Variants in HTRA4 observed in about 807,000 individuals in gnomAD.
HTRA4 encodes the protein HtrA serine peptidase 4.
A neutral mutation model predicts 49.1 loss-of-function variants in HTRA4; 46 were observed. The ratio of observed to expected loss-of-function variants is 0.94; its 90% CI spans 0.74 to 1.20. The LOEUF (loss-of-function observed/expected upper bound fraction) is 1.20, where lower values mean the gene tolerates loss of function less well. Ranked by LOEUF, HTRA4 falls within the 50% of genes most tolerant of loss-of-function variation. HTRA4 has a pLI of 0.00. For missense variants in HTRA4, 602 were observed against 636.9 expected (o/e 0.95, Z 0.59); for synonymous variants, 261 against 264.0 (o/e 0.99, Z 0.11).
chr8:38,983,135 C>G, intron 8 of HTRA4, 87 bp downstream of exon 8: 1 of 798,730 alleles, frequency 1.3e-6, no homozygotes, highest in African/African-American at 1.7e-5. Context: ...CAGACTTGAT[C>G]TGTCCAATAC....
chr8:38,985,453 G>T (rs1014173269), intron 8 of HTRA4, among the ~76,000 whole-genome samples: 3 of 152,074 alleles, frequency 2.0e-5, no homozygotes, highest in Non-Finnish European at 4.4e-5. Context: ...GCCACCGCCC[G>T]CGGTCTGTAC....
intron 6 of HTRA4, 69 bp from the exon 7 acceptor site, chr8:38,982,429 T>C: frequency 7.7e-7 from 1 of 1,298,932 alleles, no homozygotes; most frequent in Non-Finnish European, 1.1e-6. Context: ...TCCTGGGACA[T>C]GGGTGTCTTT....
chr8:38,984,075 AC>A (rs1835456378), intron 8 of HTRA4, among the ~76,000 whole-genome samples: 1 of 151,676 alleles, frequency 6.6e-6, no homozygotes, highest in African/African-American at 2.4e-5. Flanking sequence ...ATCTTGGCTC[AC>A]TGCAACCTCC....
intron 4 of HTRA4, among the ~76,000 whole-genome samples, chr8:38,978,916 A>G (rs535185614): frequency 6.7e-6 from 1 of 149,720 alleles, no homozygotes; most frequent in African/African-American, 2.5e-5. Context: ...AATCACTTGA[A>G]CCGGGAGGCA....
Position 38,974,559 on chromosome 8 carries a change from G to T in HTRA4, c.296G>T (p.Arg99Leu). ...APGLQCLQPLRPGFPSTCGCP... is the reference protein window; with the variant it reads ...APGLQCLQPLLPGFPSTCGCP... ...GGGCTGCAGTGCCTCCAGCCGCTGC[G>T]CCCCGGGTTCCCCAGCACCTGCGGT... The change falls in exon 1 of 9, where the codon CGC becomes CTC. Residue 99 changes from arginine (R) to leucine (L), a missense_variant. Transcript: ENST00000302495. The T allele has an allele frequency of 7.1e-7, 1 of 1,403,952 alleles. No individual in the cohort carries two copies. Among genetic ancestry groups the T allele is most frequent in the Non-Finnish European group, 9.2e-7 (1 of 1,087,564 alleles). 87.0% of individuals were successfully genotyped at this position (1,403,952 alleles called of 1,614,324 possible). A position where few individuals can be genotyped will look rare whatever the true frequency, so the allele number is the denominator to read the frequency against.
In HTRA4 at chr8:38,974,695, C is replaced by A. The variant is rs772687280; in HGVS notation, c.432C>A (p.Ala144=). Residue 144 remains alanine, a synonymous_variant, in exon 1 of 9, where the codon GCC becomes GCA. Coordinates refer to ENST00000302495, the MANE Select transcript of HTRA4 (RefSeq NM_153692.4). Reference sequence around the variant, plus strand: ...CGCGCCGCCTGGGCAAGGTCCCGGCCGTGCCTGTGCAGTGGGGGAACTGCG... The same window carrying A: ...CGCGCCGCCTGGGCAAGGTCCCGGCAGTGCCTGTGCAGTGGGGGAACTGCG... ...RAARRLGKVP[A]VPVQWGNCGD... 1.7e-5 allele frequency: 24 copies of A among 1,412,420 alleles called. No individual in the cohort carries two copies. In the South Asian group the frequency reaches 2.2e-4, roughly 13 times the overall value. The allele number at this position is 1,412,420 out of a possible 1,614,324, so 87.5% of individuals were successfully genotyped here. A position where few individuals can be genotyped will look rare whatever the true frequency, so the allele number is the denominator to read the frequency against.
intron 3 of HTRA4, among the ~76,000 whole-genome samples, chr8:38,977,489 G>A (rs1835367922): frequency 6.6e-6 from 1 of 152,160 alleles, no homozygotes; most frequent in Non-Finnish European, 1.5e-5. Context: ...CCAGATAGAT[G>A]TGCTGACTCA....
intron 3 of HTRA4, among the ~76,000 whole-genome samples, chr8:38,977,643 C>G (rs1326351733): frequency 6.6e-6 from 1 of 152,154 alleles, no homozygotes; most frequent in Non-Finnish European, 1.5e-5. Context: ...GTGTAAATTC[C>G]TAATGTCAGT....
intron 2 of HTRA4, 150 bp from the exon 3 acceptor site, chr8:38,976,385 G>A (rs1038141807): frequency 1.3e-5 from 10 of 755,438 alleles, no homozygotes; most frequent in East Asian, 2.7e-5. Flanking sequence ...GCAACAGAGC[G>A]AGATTCTGTC....
At chr8:38,976,273 G>A (rs978016018) in intron 2 of HTRA4, among the ~76,000 whole-genome samples, 37 of 152,080 alleles carry the variant, frequency 2.4e-4, no homozygotes, top group Non-Finnish European at 4.9e-4. Flanking sequence ...TTAGCCAGGC[G>A]TGGTGGTGCA....
chr8:38,975,439 C>G (rs1315887702), intron 2 of HTRA4, among the ~76,000 whole-genome samples: 2 of 152,126 alleles, frequency 1.3e-5, no homozygotes, highest in African/African-American at 4.8e-5. Context: ...GAGACAAGGT[C>G]TTGCTCTGTC....
chr8:38,984,522 A>C (rs1285345656), intron 8 of HTRA4, among the ~76,000 whole-genome samples: 1 of 151,778 alleles, frequency 6.6e-6, no homozygotes. Context: ...CAAAGTGGGC[A>C]GATCACTTGA....
chr8:38,979,073 T>G (rs1057393990), intron 4 of HTRA4, 142 bp from the exon 5 acceptor site: 4 of 735,934 alleles, frequency 5.4e-6, no homozygotes, highest in Non-Finnish European at 9.9e-6. Context: ...TTGGTGATGA[T>G]AGGGGCACAA....
Position 38,974,656 on chromosome 8 carries a change from C to T in HTRA4, c.393C>T (p.Ala131=). 1 of 1,402,422 alleles carries T rather than the reference C, an allele frequency of 7.1e-7. No individual in the cohort carries two copies. Among genetic ancestry groups the T allele is most frequent in the Non-Finnish European group, 9.2e-7 (1 of 1,087,812 alleles). 86.9% of individuals were successfully genotyped at this position (1,402,422 alleles called of 1,614,324 possible). A position where few individuals can be genotyped will look rare whatever the true frequency, so the allele number is the denominator to read the frequency against. ...RTYPSMCALR[A]ENRAARRLGK... is the part of the protein sequence containing the mutation. ...ACCCCAGCATGTGCGCGCTCCGGGC[C>T]GAAAACCGCGCCGCGCGCCGCCTGG... Residue 131 remains alanine, a synonymous_variant, in exon 1 of 9, where the codon GCC becomes GCT. Coordinates refer to ENST00000302495, the MANE Select transcript of HTRA4 (RefSeq NM_153692.4).
intron 1 of HTRA4, 137 bp from the exon 2 acceptor site, chr8:38,974,894 G>T: frequency 8.3e-7 from 1 of 1,210,856 alleles, no homozygotes; most frequent in Non-Finnish European, 1.2e-6. Context: ...CCTTAACAGG[G>T]GCTCTTTACC....
At chr8:38,978,993 CA>C (rs34275087) in intron 4 of HTRA4, among the ~76,000 whole-genome samples, 42 of 120,244 alleles carry the variant, frequency 3.5e-4, no homozygotes, top group African/African-American at 6.1e-4. Context: ...GACTCCGTCT[CA>C]AAAAAAAAAA....
intron 4 of HTRA4, 47 bp downstream of exon 4, chr8:38,978,194 G>T: frequency 6.6e-7 from 1 of 1,520,106 alleles, no homozygotes; most frequent in South Asian, 1.2e-5. Context: ...CTGTGGACCA[G>T]TACAGGTCCA....
At chr8:38,985,185 G>A (rs1835469954) in intron 8 of HTRA4, among the ~76,000 whole-genome samples, 1 of 139,294 alleles carries the variant, frequency 7.2e-6, no homozygotes, top group African/African-American at 2.6e-5. Context: ...TTTTTGAGAC[G>A]GAGTCTCGCT....
intron 5 of HTRA4, among the ~76,000 whole-genome samples, chr8:38,981,238 C>T (rs1835419550): frequency 6.6e-6 from 1 of 150,702 alleles, no homozygotes; most frequent in South Asian, 2.1e-4. Flanking sequence ...CGCCACCAGG[C>T]CCGGCTAATT....
Sources: allele counts gnomAD v4.1 joint callset (sites outside exome capture counted in the v4.1 genomes callset), GRCh38; gene constraint gnomAD v4.1.1; transcripts MANE v1.5; gene names NCBI Gene and HGNC (gene_info 2026-07-23, HGNC 2026-07-21).